BMS1: variants seen among roughly 807,000 people sequenced by gnomAD.
BMS1 encodes the protein BMS1 ribosome biogenesis factor.
BMS1 carries 53 observed loss-of-function variants against 138.7 expected under a neutral mutation model. That is an observed-to-expected ratio of 0.38 (90% confidence interval 0.31 to 0.48). BMS1 has a LOEUF of 0.48. Ranked by LOEUF, BMS1 falls within the 20% of genes least tolerant of loss-of-function variation. The pLI is 0.97. For missense variants in BMS1, 1,360 were observed against 1,565.5 expected (o/e 0.87, Z 2.22); for synonymous variants, 504 against 539.9 (o/e 0.93, Z 0.92).
At chr10:42,809,925 A>G (rs1842121070) in intron 13 of BMS1, among the ~76,000 whole-genome samples, 1 of 149,412 alleles carries the variant, frequency 6.7e-6, no homozygotes, top group Admixed American at 6.7e-5. Flanking sequence ...AGCTGGGACT[A>G]CAAGTGTGTG....
chr10:42,792,800 T>A (rs1003355750), intron 7 of BMS1, among the ~76,000 whole-genome samples, 157 bp from the exon 8 acceptor site: 34 of 152,248 alleles, frequency 2.2e-4, no homozygotes, highest in African/African-American at 7.7e-4. Context: ...CCTCTTGTCT[T>A]GTAGCTAGGG....
At chr10:42,814,300 G>A (rs1298757103) in intron 13 of BMS1, among the ~76,000 whole-genome samples, 1 of 152,104 alleles carries the variant, frequency 6.6e-6, no homozygotes, top group Admixed American at 6.6e-5. Context: ...TCTCTCTATT[G>A]TTTAGACTGG....
chr10:42,823,476 TA>T (rs1842558841), intron 20 of BMS1, 132 bp from the exon 21 acceptor site: 1 of 1,127,826 alleles, frequency 8.9e-7, no homozygotes, highest in South Asian at 1.8e-5. Flanking sequence ...ATAGTTTCCT[TA>T]GCGAGCTTTT....
intron 21 of BMS1, among the ~76,000 whole-genome samples, 164 bp downstream of exon 21, chr10:42,823,948 G>C (rs763197276): frequency 3.9e-5 from 6 of 152,002 alleles, no homozygotes; most frequent in Non-Finnish European, 8.8e-5. Flanking sequence ...TTTTGGAATG[G>C]AACACCAAAA....
chr10:42,806,878 AGAAC>A (rs1329221845), intron 13 of BMS1, among the ~76,000 whole-genome samples: 2 of 151,842 alleles, frequency 1.3e-5, no homozygotes, highest in East Asian at 3.8e-4. Flanking sequence ...AGAAAAAAAA[AGAAC>A]GAATACAGAG....
chr10:42,821,542 C>CTTTT lies in BMS1; in HGVS notation c.3010-495_3010-492dup, dbSNP rs34272995. Among the ~76,000 whole-genome samples, 45 of 68,622 alleles carry CTTTT rather than the reference C, an allele frequency of 6.6e-4. 11 individuals are homozygous for CTTTT. The highest frequency in any genetic ancestry group is 1.7e-3 in the South Asian group (3 of 1,768). The allele number at this position is 68,622 out of a possible 152,430, so 45.0% of individuals were successfully genotyped here. On this transcript the variant is annotated intron_variant, in intron 18 of 22. Coordinates refer to ENST00000374518, the MANE Select transcript of BMS1 (RefSeq NM_014753.4). ...ACTCTCAGGAAAGTACTCAAGGCGC[C>CTTTT]TTTTTTTTTTTTTTTTTTTTTTTTT...
chr10:42,806,737 GAAAAAAA>G (rs35466848), intron 13 of BMS1, among the ~76,000 whole-genome samples: 1 of 99,420 alleles, frequency 1.0e-5, no homozygotes, highest in Non-Finnish European at 2.1e-5. Context: ...TCCGTCTCAG[GAAAAAAA>G]AAAAAAAAAA....
intron 4 of BMS1, among the ~76,000 whole-genome samples, chr10:42,787,555 TATATC>T (rs1841375183): frequency 1.3e-5 from 2 of 152,186 alleles, no homozygotes; most frequent in African/African-American, 2.4e-5. Flanking sequence ...TACGTACAAA[TATATC>T]ATAGTAAGTA....
At position 42,822,098 on chromosome 10, in the gene BMS1, G is replaced by C; in HGVS notation, c.3046G>C (p.Asp1016His). 2 of 1,591,238 alleles carry C rather than the reference G, an allele frequency of 1.3e-6. No homozygotes were observed. The highest frequency in any genetic ancestry group is 2.2e-5 in the East Asian group (1 of 44,788). The change falls in exon 19 of 23, where the codon GAT (aspartate) becomes CAT (histidine). Residue 1016 changes from aspartate to histidine, a missense_variant. Physicochemically the swap from Asp to His is moderately conservative, Grantham distance 81. Around this residue, in one of 3 missense-constraint regions of BMS1, gnomAD observed 425 missense variants for 568.3 expected, o/e 0.75. Transcript: ENST00000374518. The part of the protein sequence containing the change: ...FRIAATGVVL[D>H]LDKSIKIVKK... ...GATAGCTGCTACAGGAGTTGTCCTT[G>C]ATCTGGATAAATCCATAAAAATTGT...
At chr10:42,820,859 G>A (rs1842485636) in intron 17 of BMS1, 75 bp from the exon 18 acceptor site, 1 of 1,326,886 alleles carries the variant, frequency 7.5e-7, no homozygotes, top group African/African-American at 1.5e-5. Flanking sequence ...AAATCTAAAT[G>A]TCCATATCCA....
chr10:42,809,766 C>T (rs1334242718), intron 13 of BMS1, among the ~76,000 whole-genome samples: 1 of 151,938 alleles, frequency 6.6e-6, no homozygotes, highest in Non-Finnish European at 1.5e-5. Flanking sequence ...TCATTCTTTA[C>T]TCTTTTGATA....
intron 9 of BMS1, among the ~76,000 whole-genome samples, chr10:42,794,981 T>C (rs1194052796): frequency 1.3e-5 from 2 of 151,952 alleles, no homozygotes; most frequent in Non-Finnish European, 2.9e-5. Context: ...TTCTCATTGT[T>C]CAATTCCCAC....
In BMS1 at chr10:42,791,734, A is replaced by G. The variant is rs748216179; in HGVS notation, c.744A>G (p.Thr248=). ...CAGTTATGAAGTTTAGGCCTCTCACATGGCAAACTTCTCACCCTTATATCC... is the reference window on the plus strand; with the variant it reads ...CAGTTATGAAGTTTAGGCCTCTCACGTGGCAAACTTCTCACCCTTATATCC... ...FITVMKFRPL[T]WQTSHPYILA... The change falls in exon 6 of 23, where the codon ACA becomes ACG. Residue 248 remains threonine (T), a synonymous_variant. Transcript: ENST00000374518. 1.9e-6 allele frequency: 3 copies of G among 1,612,974 alleles called. No individual in the cohort carries two copies. The highest frequency in any genetic ancestry group is 2.5e-6 in the Non-Finnish European group (3 of 1,179,664).
intron 6 of BMS1, 51 bp downstream of exon 6, chr10:42,791,820 A>G (rs1162069766): frequency 1.3e-6 from 2 of 1,553,942 alleles, no homozygotes; most frequent in Non-Finnish European, 1.7e-6. Flanking sequence ...TTTCAAAGCT[A>G]AAAAGGCTAG....
chr10:42,811,032 CTTTA>C (rs769273497), intron 13 of BMS1, among the ~76,000 whole-genome samples: 4 of 142,756 alleles, frequency 2.8e-5, no homozygotes, highest in Admixed American at 2.1e-4. Flanking sequence ...GATTTCTGCC[CTTTA>C]TTTATTATTA....
intron 20 of BMS1, 72 bp from the exon 21 acceptor site, chr10:42,823,537 T>G: frequency 1.4e-6 from 2 of 1,393,146 alleles, no homozygotes; most frequent in Non-Finnish European, 1.9e-6. Flanking sequence ...GAAGGTTTTA[T>G]TCTTTGTTTC....
At position 42,792,961 on chromosome 10, in the gene BMS1, A is replaced by T. The variant is rs1381458475; in HGVS notation, c.906A>T (p.Val302=). Residue 302 remains valine (V), a synonymous_variant, in exon 8 of 23, where the codon GTA becomes GTT. Transcript: ENST00000374518. ...KNKSQIHMPG[V]GDFAVSDISF... ...CTTTTGGGTTCTGTCTTCCAGGGGT[A>T]GGAGATTTTGCCGTGAGTGACATCA... 1 of 1,605,346 alleles carries T rather than the reference A, an allele frequency of 6.2e-7. No homozygotes were observed. Among genetic ancestry groups the T allele is most frequent in the Non-Finnish European group, 8.5e-7 (1 of 1,173,980 alleles).
rs1183496232 is a variant in BMS1, at chr10:42,822,035, A to G, written c.3010-27A>G. 9 of 1,585,246 alleles carry G rather than the reference A, an allele frequency of 5.7e-6. No individual in the cohort carries two copies. In the African/African-American group the frequency reaches 6.7e-5, roughly 12 times the overall value. Reference sequence around the variant, plus strand: ...TTTTTCTCTTGCTGATATTATTCCTATTTTCAAATTTTGGGGTTCCTGTTA... The same window carrying G: ...TTTTTCTCTTGCTGATATTATTCCTGTTTTCAAATTTTGGGGTTCCTGTTA... On this transcript the variant is annotated intron_variant, in intron 18 of 22. Coordinates refer to ENST00000374518, the MANE Select transcript of BMS1 (RefSeq NM_014753.4).
chr10:42,828,919 A>G (rs1318008078), intron 21 of BMS1, among the ~76,000 whole-genome samples: 1 of 152,108 alleles, frequency 6.6e-6, no homozygotes, highest in African/African-American at 2.4e-5. Context: ...TATCCATTCT[A>G]CTCTTTTGTA....
Sources: gnomAD v4.1 joint callset for allele counts (sites outside exome capture counted in the v4.1 genomes callset) on GRCh38, gnomAD v4.1.1 for gene constraint, gnomAD v4.1.1 regional missense constraint, MANE v1.5 for transcripts, NCBI Gene and HGNC (gene_info 2026-07-23, HGNC 2026-07-21) for gene names.